Variants in DIS3L2 observed in about 807,000 individuals in gnomAD.
The protein encoded by DIS3L2 is DIS3 like 3'-5' exoribonuclease 2.
A neutral mutation model predicts 97.5 loss-of-function variants in DIS3L2; 34 were observed. The observed-to-expected ratio is 0.35, with a 90% confidence interval of 0.27 to 0.46. DIS3L2 has a LOEUF of 0.46. Among genes scored for constraint, DIS3L2 ranks in the 20% least tolerant of loss-of-function variants. DIS3L2 has a pLI of 1.00. For missense variants in DIS3L2, 1,038 were observed against 1,146.0 expected (o/e 0.91, Z 1.36); for synonymous variants, 435 against 445.2 (o/e 0.98, Z 0.29).
In DIS3L2 at chr2:231,983,526, A is replaced by G. The variant is rs572178480; in HGVS notation, c.-94+21761A>G. The stretch of plus-strand genomic sequence containing the variant: ...ATCAGTGGTGGCATTAGATTCTCAT[A>G]GGAGTGCGAACCCTGTTGTGAACTG... On this transcript the variant is annotated intron_variant, in intron 1 of 20. Transcript: ENST00000325385. Among the ~76,000 whole-genome samples, 3 of 152,304 alleles carry G rather than the reference A, an allele frequency of 2.0e-5. No homozygotes were observed. In the South Asian group the frequency reaches 6.2e-4, roughly 32 times the overall value.
intron 13 of DIS3L2, among the ~76,000 whole-genome samples, chr2:232,296,115 A>G (rs1389070551): frequency 6.6e-6 from 1 of 152,184 alleles, no homozygotes; most frequent in Admixed American, 6.5e-5. Flanking sequence ...CTCAGATTGA[A>G]CTCAAACTCT....
chr2:232,067,205 A>G (rs1275367392), intron 5 of DIS3L2, among the ~76,000 whole-genome samples: 2 of 151,926 alleles, frequency 1.3e-5, no homozygotes, highest in South Asian at 2.1e-4. Flanking sequence ...TATACTTCCC[A>G]CCTCCAGACT....
chr2:232,098,355 A>ATTTTTT lies in DIS3L2; in HGVS notation c.601+10646_601+10651dup, dbSNP rs371321680. Among the ~76,000 whole-genome samples the ATTTTTT allele has an allele frequency of 3.7e-4, 51 of 138,698 alleles. 1 individual carries two copies. Among genetic ancestry groups the ATTTTTT allele is most frequent in the East Asian group, 2.7e-3 (13 of 4,816 alleles). The allele number at this position is 138,698 out of a possible 152,430, so 91.0% of individuals were successfully genotyped here. A position where few individuals can be genotyped will look rare whatever the true frequency, so the allele number is the denominator to read the frequency against. ...ACAGTTAGGATTATCGAGGTTTCTA[A>ATTTTTT]TTTTTTTTTTTTTTTTTGAGACAGA... On this transcript the variant is annotated intron_variant, in intron 6 of 20. Transcript: ENST00000325385.
chr2:232,099,297 C>A (rs1055011811), intron 6 of DIS3L2, among the ~76,000 whole-genome samples: 2 of 151,478 alleles, frequency 1.3e-5, no homozygotes, highest in Non-Finnish European at 2.9e-5. Context: ...CTTACTGTAT[C>A]CTCTGCCTCT....
At chr2:232,000,119 C>T (rs1295589822) in intron 1 of DIS3L2, among the ~76,000 whole-genome samples, 1 of 152,158 alleles carries the variant, frequency 6.6e-6, no homozygotes, top group African/African-American at 2.4e-5. Flanking sequence ...TTTCTACAGA[C>T]TTTAAATCCT....
At chr2:232,342,688 T>C (rs1696138373) in intron 13 of DIS3L2, among the ~76,000 whole-genome samples, 1 of 152,226 alleles carries the variant, frequency 6.6e-6, no homozygotes, top group Non-Finnish European at 1.5e-5. Flanking sequence ...TTTAGAAGGC[T>C]GCGTATGGTC....
chr2:232,004,699 A>G (rs993853606), intron 1 of DIS3L2, among the ~76,000 whole-genome samples: 1 of 151,424 alleles, frequency 6.6e-6, no homozygotes, highest in Non-Finnish European at 1.5e-5. Flanking sequence ...TGTCCACCTC[A>G]GCCTCCCAAG....
chr2:232,208,167 C>T lies in DIS3L2; in HGVS notation c.1125-2159C>T, dbSNP rs1468157130. On this transcript the variant is annotated intron_variant, in intron 9 of 20. Coordinates refer to ENST00000325385, the MANE Select transcript of DIS3L2 (RefSeq NM_152383.5). ...AGACATGCATAGATTTAGTTCCACT[C>T]CCCCTGCTGCCCCCGCACAAGCGTA... is the stretch of plus-strand genomic sequence containing the variant. Among the ~76,000 whole-genome samples, 4 of 152,232 alleles carry T rather than the reference C, an allele frequency of 2.6e-5. No individual in the cohort carries two copies. The East Asian group carries it at 7.7e-4, about 29-fold the overall frequency.
chr2:232,297,643 C>T (rs1029645669), intron 13 of DIS3L2, among the ~76,000 whole-genome samples: 1 of 151,772 alleles, frequency 6.6e-6, no homozygotes, highest in East Asian at 1.9e-4. Flanking sequence ...AAGTAATCAC[C>T]TGGAACCTCT....
chr2:232,295,273 A>G (rs1358474886), intron 13 of DIS3L2, among the ~76,000 whole-genome samples: 1 of 151,898 alleles, frequency 6.6e-6, no homozygotes, highest in Non-Finnish European at 1.5e-5. Context: ...ACTTTCCTCA[A>G]ACTCCTTCCC....
intron 1 of DIS3L2, among the ~76,000 whole-genome samples, chr2:231,989,858 C>A (rs530271903): frequency 6.6e-6 from 1 of 151,930 alleles, no homozygotes; most frequent in Admixed American, 6.6e-5. Context: ...ACAACAACAA[C>A]AAAAAGATAA....
In DIS3L2 at chr2:232,128,117, A is replaced by AT. The variant is rs377354211; in HGVS notation, c.602-2492dup. Among the ~76,000 whole-genome samples, 847 of 148,382 alleles carry AT rather than the reference A, an allele frequency of 5.7e-3. 8 individuals are homozygous for AT. Among genetic ancestry groups the AT allele is most frequent in the South Asian group, 0.026 (118 of 4,620 alleles). On this transcript the variant is annotated intron_variant, in intron 6 of 20. Coordinates refer to ENST00000325385, the MANE Select transcript of DIS3L2 (RefSeq NM_152383.5). Reference sequence around the variant, plus strand: ...AGGTGTACACCATCACACCTGGTGGATTTTTTTTTTGTATTTTTTGTAGAG... The same window carrying AT: ...AGGTGTACACCATCACACCTGGTGGATTTTTTTTTTTGTATTTTTTGTAGAG...
At chr2:232,334,776 C>G (rs1355548930) in intron 19 of DIS3L2, 41 bp downstream of exon 19, 2 of 1,540,202 alleles carry the variant, frequency 1.3e-6, no homozygotes, top group East Asian at 4.9e-5. Flanking sequence ...CAGGGCAGCC[C>G]AAGCCATCCC....
chr2:232,174,457 G>C (rs1691087699), intron 9 of DIS3L2, among the ~76,000 whole-genome samples: 1 of 151,708 alleles, frequency 6.6e-6, no homozygotes, highest in Non-Finnish European at 1.5e-5. Context: ...TTGGTGGCAG[G>C]TGCCTGTAAT....
At chr2:232,016,234 A>C (rs951729016) in intron 3 of DIS3L2, among the ~76,000 whole-genome samples, 3 of 152,212 alleles carry the variant, frequency 2.0e-5, no homozygotes, top group Admixed American at 1.3e-4. Context: ...AAGCTAGTTC[A>C]GTGGTTTGGC....
chr2:232,140,477 A>G (rs1358757158), intron 8 of DIS3L2, among the ~76,000 whole-genome samples: 1 of 152,188 alleles, frequency 6.6e-6, no homozygotes, highest in Non-Finnish European at 1.5e-5. Context: ...TAGAAAACAC[A>G]CAAGGAGTAA....
intron 5 of DIS3L2, among the ~76,000 whole-genome samples, chr2:232,085,514 G>T (rs932743902): frequency 6.6e-5 from 10 of 152,146 alleles, no homozygotes; most frequent in Non-Finnish European, 1.5e-4. Flanking sequence ...TTATATTTAT[G>T]TATATACAGG....
intron 5 of DIS3L2, among the ~76,000 whole-genome samples, chr2:232,065,926 A>G (rs752727939): frequency 6.6e-6 from 1 of 151,744 alleles, no homozygotes; most frequent in Admixed American, 6.6e-5. Context: ...TACTATGATA[A>G]TTGAAATTAT....
chr2:232,030,086 T>G lies in DIS3L2; in HGVS notation c.366+6T>G. 6.2e-7 allele frequency: 1 copy of G among 1,609,090 alleles called. No homozygotes were observed. Among genetic ancestry groups the G allele is most frequent in the Admixed American group, 1.7e-5 (1 of 59,312 alleles). On this transcript the variant is annotated splice_donor_region_variant and intron_variant, in intron 5 of 20. Coordinates refer to ENST00000325385, the MANE Select transcript of DIS3L2 (RefSeq NM_152383.5). ...TTCCCGAGGAGCATTGGAAGGTGAG[T>G]TAAGTTTTCCCTTTCTAATTACAGA...
Sources: allele counts gnomAD v4.1 joint callset (sites outside exome capture counted in the v4.1 genomes callset), GRCh38; gene constraint gnomAD v4.1.1; transcripts MANE v1.5; gene names NCBI Gene and HGNC (gene_info 2026-07-23, HGNC 2026-07-21).